The following RAD51B variants were observed in gnomAD, a reference collection of about 807,000 sequenced individuals.
RAD51B encodes the protein DNA repair protein RAD51 homolog 2.
A neutral mutation model predicts 42.2 loss-of-function variants in RAD51B; 38 were observed. The ratio of observed to expected loss-of-function variants is 0.90; its 90% CI spans 0.70 to 1.18. RAD51B has a LOEUF of 1.18. RAD51B is among the 50% of genes most tolerant of loss of function. The pLI, the probability that RAD51B is intolerant of heterozygous loss-of-function variation, is 0.00. For missense variants in RAD51B, 373 were observed against 400.7 expected, an observed-to-expected ratio of 0.93 and a Z score of 0.59; for synonymous variants, 154 against 145.2, an observed-to-expected ratio of 1.06 and a Z score of -0.43.
At chr14:68,470,088 G>A (rs1009627671) in intron 10 of RAD51B, among the ~76,000 whole-genome samples, 2 of 152,200 alleles carry the variant, frequency 1.3e-5, no homozygotes, top group African/African-American at 4.8e-5. Context: ...TTTCGAAAAA[G>A]TTGGAAAACA....
At chr14:68,506,622 C>T (rs552401348) in intron 10 of RAD51B, among the ~76,000 whole-genome samples, 10 of 152,234 alleles carry the variant, frequency 6.6e-5, no homozygotes, top group Admixed American at 3.9e-4. Flanking sequence ...GCTGAGTGGG[C>T]GCAAAGTTCT....
At chr14:67,981,357 G>T (rs753368612) in intron 7 of RAD51B, among the ~76,000 whole-genome samples, 4 of 152,130 alleles carry the variant, frequency 2.6e-5, no homozygotes, top group African/African-American at 7.2e-5. Flanking sequence ...TATACCCTGC[G>T]GGTGGGAATG....
intron 7 of RAD51B, among the ~76,000 whole-genome samples, chr14:68,188,037 A>G (rs2079191318): frequency 6.6e-6 from 1 of 151,434 alleles, no homozygotes; most frequent in Admixed American, 6.6e-5. Flanking sequence ...CTGGTCTTGA[A>G]CTCCTGACCT....
At chr14:68,244,197 T>A (rs951965949) in intron 7 of RAD51B, among the ~76,000 whole-genome samples, 1 of 152,094 alleles carries the variant, frequency 6.6e-6, no homozygotes, top group African/African-American at 2.4e-5. Flanking sequence ...TATTTGACCT[T>A]AGGAGTGAAA....
At chr14:68,322,892 A>G (rs2082181775) in intron 8 of RAD51B, among the ~76,000 whole-genome samples, 1 of 152,196 alleles carries the variant, frequency 6.6e-6, no homozygotes, top group Non-Finnish European at 1.5e-5. Context: ...TGTAATTACC[A>G]GGAATGCTTT....
At chr14:68,123,449 C>T (rs1479873172) in intron 7 of RAD51B, among the ~76,000 whole-genome samples, 1 of 152,106 alleles carries the variant, frequency 6.6e-6, no homozygotes, top group Non-Finnish European at 1.5e-5. Context: ...ACCTTGGCCT[C>T]CCAAAGTGTT....
chr14:68,112,453 T>C (rs1566653857), intron 7 of RAD51B, among the ~76,000 whole-genome samples: 1 of 152,068 alleles, frequency 6.6e-6, no homozygotes, highest in Non-Finnish European at 1.5e-5. Context: ...TGGACTAAGA[T>C]AGATGGCAGA....
chr14:68,545,180 C>A (rs1019570024), intron 10 of RAD51B, among the ~76,000 whole-genome samples: 3 of 152,210 alleles, frequency 2.0e-5, no homozygotes, highest in African/African-American at 7.2e-5. Flanking sequence ...GGGCACATAT[C>A]TGGTTCATTA....
chr14:67,902,242 C>T (rs998680425), intron 7 of RAD51B, among the ~76,000 whole-genome samples: 45 of 151,736 alleles, frequency 3.0e-4, no homozygotes, highest in African/African-American at 4.8e-4. Flanking sequence ...AATATATTTC[C>T]GATTACTAAA....
intron 10 of RAD51B, among the ~76,000 whole-genome samples, chr14:68,484,196 A>T (rs1883424624): frequency 6.6e-6 from 1 of 152,180 alleles, no homozygotes; most frequent in South Asian, 2.1e-4. Context: ...TCAAGTACAC[A>T]AGCTGCTTCC....
chr14:68,299,356 G>GT (rs891067197), intron 8 of RAD51B, among the ~76,000 whole-genome samples: 1 of 152,108 alleles, frequency 6.6e-6, no homozygotes, highest in African/African-American at 2.4e-5. Flanking sequence ...TCAAAAAATA[G>GT]TAGGGGAAAA....
intron 7 of RAD51B, among the ~76,000 whole-genome samples, chr14:68,176,749 G>C (rs997791257): frequency 6.6e-6 from 1 of 152,142 alleles, no homozygotes; most frequent in Non-Finnish European, 1.5e-5. Flanking sequence ...CCTGGTTCTA[G>C]AAATTAAAGG....
At chr14:68,575,360 CCTCCCTG>C (rs919499348) in intron 10 of RAD51B, among the ~76,000 whole-genome samples, 2 of 152,166 alleles carry the variant, frequency 1.3e-5, no homozygotes, top group African/African-American at 4.8e-5. Flanking sequence ...TGACAAGCTC[CCTCCCTG>C]CTCCCTGCTC....
chr14:68,292,824 A>G (rs544401574), intron 8 of RAD51B, among the ~76,000 whole-genome samples: 1 of 152,314 alleles, frequency 6.6e-6, no homozygotes, highest in South Asian at 2.1e-4. Flanking sequence ...TCTGCTTCTT[A>G]GTGGTGGCTT....
At chr14:67,978,400 C>G (rs2075033124) in intron 7 of RAD51B, among the ~76,000 whole-genome samples, 1 of 146,114 alleles carries the variant, frequency 6.8e-6, no homozygotes, top group South Asian at 2.1e-4. Context: ...GTTAATCCCT[C>G]CAGCCTCTGC....
At chr14:67,923,843 A>G (rs1009242333) in intron 7 of RAD51B, among the ~76,000 whole-genome samples, 2 of 152,240 alleles carry the variant, frequency 1.3e-5, no homozygotes, top group Non-Finnish European at 2.9e-5. Context: ...CATTTGCACC[A>G]GCGTGTAAAA....
chr14:67,843,219 G>A (rs2041492189), intron 4 of RAD51B, among the ~76,000 whole-genome samples: 1 of 146,606 alleles, frequency 6.8e-6, no homozygotes, highest in African/African-American at 2.6e-5. Context: ...TGTTACATAT[G>A]TATACATGTG....
intron 7 of RAD51B, among the ~76,000 whole-genome samples, chr14:67,915,689 G>C (rs1367864109): frequency 2.6e-5 from 4 of 152,186 alleles, no homozygotes; most frequent in African/African-American, 9.6e-5. Context: ...TTATATAAGA[G>C]TTGGATTTAT....
At chr14:68,191,232 A>G (rs189534300) in intron 7 of RAD51B, among the ~76,000 whole-genome samples, 27 of 152,274 alleles carry the variant, frequency 1.8e-4, no homozygotes, top group African/African-American at 5.3e-4. Flanking sequence ...GGGTTAACAT[A>G]TGAACTGGTG....
Sources: allele counts gnomAD v4.1 joint callset (sites outside exome capture counted in the v4.1 genomes callset), GRCh38; gene constraint gnomAD v4.1.1; transcripts MANE v1.5; gene names NCBI Gene and HGNC (gene_info 2026-07-23, HGNC 2026-07-21).